Variants in CNTN5 observed in about 807,000 individuals in gnomAD.
CNTN5 encodes contactin 5.
In CNTN5, 77 loss-of-function variants were observed where a neutral mutation model predicts 129.1. The ratio of observed to expected loss-of-function variants is 0.60; its 90% CI spans 0.50 to 0.72. The LOEUF (loss-of-function observed/expected upper bound fraction) is 0.72. CNTN5 is among the 30% of genes least tolerant of loss of function. The pLI, the probability that CNTN5 is intolerant of heterozygous loss-of-function variation, is 0.00. For synonymous variants in CNTN5, 509 were observed against 465.6 expected, an observed-to-expected ratio of 1.09 and a Z score of -1.20; for missense variants, 1,478 against 1,328.8, an observed-to-expected ratio of 1.11 and a Z score of -1.75.
intron 1 of CNTN5, among the ~76,000 whole-genome samples, chr11:99,282,785 G>A (rs532724494): frequency 5.9e-5 from 9 of 152,034 alleles, no homozygotes; most frequent in Non-Finnish European, 8.8e-5. Context: ...CCTCAACAAA[G>A]GAAACCCCTA....
chr11:100,046,675 G>C (rs1328992635), intron 9 of CNTN5, among the ~76,000 whole-genome samples: 1 of 151,824 alleles, frequency 6.6e-6, no homozygotes, highest in Admixed American at 6.6e-5. Flanking sequence ...TCAGACTTTG[G>C]ATTGTTACCA....
chr11:99,747,641 T>C (rs545179534), intron 3 of CNTN5, among the ~76,000 whole-genome samples: 2 of 151,920 alleles, frequency 1.3e-5, no homozygotes, highest in East Asian at 3.9e-4. Flanking sequence ...GGCTAACTTT[T>C]TTTTGTATTT....
chr11:99,889,018 C>T (rs1241399002), intron 6 of CNTN5, among the ~76,000 whole-genome samples: 1 of 152,066 alleles, frequency 6.6e-6, no homozygotes, highest in African/African-American at 2.4e-5. Flanking sequence ...TTATTGCCAT[C>T]ACTTACCATC....
intron 8 of CNTN5, among the ~76,000 whole-genome samples, chr11:99,974,558 G>A (rs1219784377): frequency 6.6e-6 from 1 of 152,106 alleles, no homozygotes; most frequent in Non-Finnish European, 1.5e-5. Context: ...ATGTCATGAA[G>A]GATATTCTTC....
intron 13 of CNTN5, among the ~76,000 whole-genome samples, chr11:100,090,914 C>T (rs1944758674): frequency 6.6e-6 from 1 of 152,032 alleles, no homozygotes. Context: ...TTTATCCAGT[C>T]TTGCTCTGTA....
chr11:99,265,486 A>T (rs1046996039), intron 1 of CNTN5, among the ~76,000 whole-genome samples: 8 of 152,058 alleles, frequency 5.3e-5, no homozygotes, highest in African/African-American at 1.9e-4. Flanking sequence ...GAAAGACAAC[A>T]TATTTGAAAA....
At chr11:99,638,647 G>GT (rs1951654498) in intron 3 of CNTN5, among the ~76,000 whole-genome samples, 1 of 152,112 alleles carries the variant, frequency 6.6e-6, no homozygotes, top group Non-Finnish European at 1.5e-5. Context: ...AAACAAAGGG[G>GT]TTTTCAGGGT....
chr11:99,971,514 G>A (rs1055559133), intron 8 of CNTN5, among the ~76,000 whole-genome samples: 2 of 151,732 alleles, frequency 1.3e-5, no homozygotes, highest in Admixed American at 6.6e-5. Flanking sequence ...CTGCACTCCA[G>A]CCTGGTGACA....
At chr11:99,601,614 T>C (rs1349985708) in intron 3 of CNTN5, among the ~76,000 whole-genome samples, 1 of 152,234 alleles carries the variant, frequency 6.6e-6, no homozygotes, top group Non-Finnish European at 1.5e-5. Flanking sequence ...AAGCAAACTT[T>C]ACTAAACAAC....
At chr11:99,924,211 G>T (rs764246942) in intron 7 of CNTN5, among the ~76,000 whole-genome samples, 2 of 152,148 alleles carry the variant, frequency 1.3e-5, no homozygotes, top group Non-Finnish European at 2.9e-5. Context: ...TTACATGGTT[G>T]CTGGCTGCTT....
At chr11:100,145,378 C>G (rs941371671) in intron 13 of CNTN5, among the ~76,000 whole-genome samples, 1 of 152,054 alleles carries the variant, frequency 6.6e-6, no homozygotes, top group Non-Finnish European at 1.5e-5. Context: ...ACCTCTAACC[C>G]ATTTGCTGCT....
In CNTN5 at chr11:100,288,690, T is replaced by C. The variant is rs1186845338; in HGVS notation, c.2315-8935T>C. On this transcript the variant is annotated intron_variant, in intron 18 of 24. Coordinates refer to ENST00000524871, the MANE Select transcript of CNTN5 (RefSeq NM_014361.4). ...CAAAATTGACACCCTAACATCACAA[T>C]TAAAAGAACTAGAAAAGCAAGAGCA... Among the ~76,000 whole-genome samples the C allele has an allele frequency of 4.7e-5, 7 of 148,202 alleles. No homozygotes were observed. In the East Asian group the frequency reaches 1.2e-3, roughly 26 times the overall value.
chr11:99,288,742 A>C (rs576291355), intron 1 of CNTN5, among the ~76,000 whole-genome samples: 1 of 152,068 alleles, frequency 6.6e-6, no homozygotes, highest in Non-Finnish European at 1.5e-5. Context: ...AGGCTCTATG[A>C]AAACAAATTT....
chr11:99,647,315 G>C (rs1219024617), intron 3 of CNTN5, among the ~76,000 whole-genome samples: 1 of 152,044 alleles, frequency 6.6e-6, no homozygotes, highest in African/African-American at 2.4e-5. Flanking sequence ...CCCCGTGAAA[G>C]TTCTTGGCAC....
At chr11:99,771,274 G>C (rs1944936009) in intron 3 of CNTN5, among the ~76,000 whole-genome samples, 1 of 151,982 alleles carries the variant, frequency 6.6e-6, no homozygotes, top group African/African-American at 2.4e-5. Context: ...CTATACTACT[G>C]TGTTCATTGC....
In CNTN5 at chr11:99,784,918, G is replaced by A. The variant is rs190832908; in HGVS notation, c.56-34626G>A. 6.1e-5 allele frequency among the ~76,000 whole-genome samples: 9 copies of A among 148,622 alleles called. 1 individual carries two copies. In the East Asian group the frequency reaches 1.9e-3, roughly 31 times the overall value. On this transcript the variant is annotated intron_variant, in intron 3 of 24. Transcript: ENST00000524871. ...AGGTTCACGCCATTCTTCTGCCTCA[G>A]CCTCCCAAATAGGTGAGACTACAGG...
chr11:99,772,867 T>C (rs1944992573), intron 3 of CNTN5, among the ~76,000 whole-genome samples: 2 of 152,054 alleles, frequency 1.3e-5, no homozygotes, highest in Admixed American at 1.3e-4. Flanking sequence ...CTGGATGGGA[T>C]TGTAGATCAT....
intron 7 of CNTN5, among the ~76,000 whole-genome samples, chr11:99,918,489 G>T (rs946841288): frequency 6.6e-6 from 1 of 152,018 alleles, no homozygotes; most frequent in East Asian, 1.9e-4. Context: ...AATGTTTTAT[G>T]TGTCTTCCCC....
At chr11:99,785,024 C>G (rs541201770) in intron 3 of CNTN5, among the ~76,000 whole-genome samples, 10 of 151,180 alleles carry the variant, frequency 6.6e-5, no homozygotes, top group African/African-American at 2.2e-4. Flanking sequence ...TGATCTCTAT[C>G]TCCTGACCTC....
Sources: allele counts gnomAD v4.1 joint callset (sites outside exome capture counted in the v4.1 genomes callset), GRCh38; gene constraint gnomAD v4.1.1; transcripts MANE v1.5; gene names NCBI Gene and HGNC (gene_info 2026-07-23, HGNC 2026-07-21).